Variants in PDE1A observed in about 807,000 individuals in gnomAD.
The protein encoded by PDE1A is dual specificity calcium/calmodulin-dependent 3',5'-cyclic nucleotide phosphodiesterase 1A.
PDE1A carries 35 observed loss-of-function variants against 61.7 expected under a neutral mutation model. The ratio of observed to expected loss-of-function variants is 0.57; its 90% CI spans 0.43 to 0.75. The LOEUF (loss-of-function observed/expected upper bound fraction) is 0.75, where lower values mean the gene tolerates loss of function less well. PDE1A is among the 30% of genes least tolerant of loss of function. PDE1A has a pLI of 0.00. For synonymous variants in PDE1A, 232 were observed against 213.2 expected (o/e 1.09, Z -0.77); for missense variants, 597 against 630.6 (o/e 0.95, Z 0.57).
chr2:182,473,635 T>C (rs371793115), intron 2 of PDE1A, among the ~76,000 whole-genome samples: 1 of 151,846 alleles, frequency 6.6e-6, no homozygotes, highest in Non-Finnish European at 1.5e-5. Flanking sequence ...ATCCTCACCC[T>C]CCTCCTACCT....
intron 2 of PDE1A, among the ~76,000 whole-genome samples, chr2:182,480,279 A>C (rs1442660134): frequency 6.6e-6 from 1 of 151,970 alleles, no homozygotes; most frequent in African/African-American, 2.4e-5. Flanking sequence ...CTCCTAAAAC[A>C]CAACGGTATT....
At chr2:182,172,071 G>T (rs1224061702) in intron 13 of PDE1A, among the ~76,000 whole-genome samples, 1 of 151,956 alleles carries the variant, frequency 6.6e-6, no homozygotes, top group African/African-American at 2.4e-5. Context: ...AGAAACTTTT[G>T]GGGAACAACC....
chr2:182,680,310 A>T, the PDE1A span, among the ~76,000 whole-genome samples: 1 of 151,868 alleles, frequency 6.6e-6, no homozygotes, highest in South Asian at 2.1e-4. Context: ...ACCTGGGCTC[A>T]AGCAATCCTC....
At chr2:182,299,126 G>A (rs931958031) in intron 1 of PDE1A, among the ~76,000 whole-genome samples, 3 of 151,868 alleles carry the variant, frequency 2.0e-5, no homozygotes, top group Admixed American at 6.6e-5. Context: ...TCTGTACACT[G>A]GGGAAAAATA....
chr2:182,565,713 T>G, the PDE1A span, among the ~76,000 whole-genome samples: 2 of 152,160 alleles, frequency 1.3e-5, no homozygotes, highest in Admixed American at 1.3e-4. Flanking sequence ...ACTCACATGC[T>G]ATTTATTAGA....
At chr2:182,522,686 C>A in exon 1 of PDE1A, 1 of 1,097,238 alleles carries the variant, frequency 9.1e-7, no homozygotes, top group Non-Finnish European at 1.1e-6. Context: ...TCAAGCTCTC[C>A]CCAAAAGCAG....
At chr2:182,226,103 C>A (rs1432533) in intron 6 of PDE1A, among the ~76,000 whole-genome samples, 1 of 148,772 alleles carries the variant, frequency 6.7e-6, no homozygotes, top group Non-Finnish European at 1.5e-5. Context: ...TGGAAAAAAA[C>A]CACTTATTTA....
intron 13 of PDE1A, among the ~76,000 whole-genome samples, chr2:182,152,372 A>G (rs1442166516): frequency 7.5e-6 from 1 of 133,398 alleles, no homozygotes; most frequent in African/African-American, 2.8e-5. Context: ...AAAGAAATCT[A>G]TTTTAATACC....
At chr2:182,395,763 C>T (rs1260331832) in intron 1 of PDE1A, among the ~76,000 whole-genome samples, 2 of 152,172 alleles carry the variant, frequency 1.3e-5, no homozygotes, top group Admixed American at 6.5e-5. Context: ...CTTTGGAAGG[C>T]CCCCATAGGT....
the PDE1A span, among the ~76,000 whole-genome samples, chr2:182,689,582 A>T: frequency 6.6e-6 from 1 of 152,226 alleles, no homozygotes; most frequent in Non-Finnish European, 1.5e-5. Flanking sequence ...AGCAGGAAAG[A>T]TCCAAAATTG....
the PDE1A span, among the ~76,000 whole-genome samples, chr2:182,548,155 A>C: frequency 0.014 from 2,120 of 152,270 alleles, 40 homozygotes; most frequent in African/African-American, 0.048. Context: ...AAGTCAGTGA[A>C]CATAATATTT....
intron 1 of PDE1A, among the ~76,000 whole-genome samples, chr2:182,383,674 T>G (rs191065271): frequency 2.6e-5 from 4 of 152,046 alleles, no homozygotes; most frequent in African/African-American, 4.8e-5. Context: ...CATTCATGCA[T>G]GGAAATACCT....
intron 2 of PDE1A, among the ~76,000 whole-genome samples, chr2:182,259,715 A>T (rs1226407931): frequency 6.6e-6 from 1 of 152,224 alleles, no homozygotes; most frequent in African/African-American, 2.4e-5. Context: ...GGTTCATGTT[A>T]AACAAAGAAA....
the PDE1A span, among the ~76,000 whole-genome samples, chr2:182,659,828 T>C: frequency 6.6e-6 from 1 of 152,240 alleles, no homozygotes; most frequent in African/African-American, 2.4e-5. Flanking sequence ...TAAGTATTAA[T>C]AATAAAAACC....
intron 1 of PDE1A, among the ~76,000 whole-genome samples, chr2:182,273,044 G>A (rs1385485345): frequency 6.6e-6 from 1 of 152,040 alleles, no homozygotes; most frequent in African/African-American, 2.4e-5. Context: ...TGTCCATAAA[G>A]TCTGAAATTG....
chr2:182,163,857 C>T (rs532728750), downstream of PDE1A, among the ~76,000 whole-genome samples: 20 of 152,284 alleles, frequency 1.3e-4, no homozygotes, highest in African/African-American at 4.6e-4. Context: ...GACCCAAGAG[C>T]TCCAATGGTC....
At chr2:182,448,186 T>G (rs182896255) in intron 2 of PDE1A, among the ~76,000 whole-genome samples, 1 of 152,246 alleles carries the variant, frequency 6.6e-6, no homozygotes, top group African/African-American at 2.4e-5. Flanking sequence ...GCTTGGCACA[T>G]TGGGTGTGCT....
At chr2:182,199,888 C>A (rs1008583613) in intron 10 of PDE1A, among the ~76,000 whole-genome samples, 4 of 151,870 alleles carry the variant, frequency 2.6e-5, no homozygotes, top group Non-Finnish European at 5.9e-5. Flanking sequence ...AAACGTGAGT[C>A]ATCCAAACAT....
intron 1 of PDE1A, among the ~76,000 whole-genome samples, chr2:182,269,752 G>A (rs756445791): frequency 6.6e-6 from 1 of 151,982 alleles, no homozygotes; most frequent in African/African-American, 2.4e-5. Context: ...AAGAATCAGG[G>A]AAGAAGAGGT....
Sources: gnomAD v4.1 joint callset for allele counts (sites outside exome capture counted in the v4.1 genomes callset) on GRCh38, gnomAD v4.1.1 for gene constraint, MANE v1.5 for transcripts, NCBI Gene and HGNC (gene_info 2026-07-23, HGNC 2026-07-21) for gene names.